Variants in MLLT11 observed in about 807,000 individuals in gnomAD.
MLLT11 encodes protein AF1q.
MLLT11 carries 1 observed loss-of-function variant against 5.3 expected under a neutral mutation model. The ratio of observed to expected loss-of-function variants is 0.19; its 90% CI spans 0.07 to 0.89. The LOEUF is 0.89. MLLT11 is among the 40% of genes least tolerant of loss of function. The pLI is 0.67. For missense variants in MLLT11, 87 were observed against 107.3 expected (o/e 0.81, Z 0.83); for synonymous variants, 38 against 41.7 (o/e 0.91, Z 0.34).
rs1676490258 is a variant in MLLT11 at position 151,067,408 on chromosome 1, G to A, written c.184G>A (p.Glu62Lys). The A allele has an allele frequency of 6.2e-7, 1 of 1,614,070 alleles. No individual in the cohort carries two copies. The highest frequency in any genetic ancestry group is 1.3e-5 in the African/African-American group (1 of 74,934). Residue 62 changes from glutamate to lysine, a missense_variant, in exon 2 of 2, where the codon GAA becomes AAA. Transcript: ENST00000368921. ...ATAADQEKNP[E>K]GDGLLEYSTF... ...TGCAGCAGACCAGGAGAAAAACCCT[G>A]AAGGTGATGGCCTCCTTGAGTACAG...
intron 1 of MLLT11, among the ~76,000 whole-genome samples, chr1:151,066,281 G>T (rs1336534859): frequency 2.0e-5 from 3 of 152,136 alleles, no homozygotes; most frequent in Admixed American, 6.5e-5. Context: ...GGGACCACAG[G>T]CACAAACCAC....
intron 1 of MLLT11, among the ~76,000 whole-genome samples, chr1:151,061,390 A>G (rs1335114508): frequency 1.3e-5 from 2 of 152,266 alleles, no homozygotes; most frequent in South Asian, 2.1e-4. Flanking sequence ...GACAAAGGAT[A>G]TTTGGGCGTG....
intron 1 of MLLT11, among the ~76,000 whole-genome samples, chr1:151,062,926 T>G (rs1048233013): frequency 6.6e-6 from 1 of 152,160 alleles, no homozygotes; most frequent in African/African-American, 2.4e-5. Context: ...TGCACACGTC[T>G]CTGCAAAGTA....
intron 1 of MLLT11, among the ~76,000 whole-genome samples, chr1:151,061,152 A>C (rs979487840): frequency 7.2e-5 from 11 of 152,184 alleles, no homozygotes; most frequent in Non-Finnish European, 1.0e-4. Flanking sequence ...CACAGGAGCT[A>C]GGTATGGGGA....
At chr1:151,065,313 A>G (rs971945632) in intron 1 of MLLT11, among the ~76,000 whole-genome samples, 8 of 152,182 alleles carry the variant, frequency 5.3e-5, no homozygotes, top group Non-Finnish European at 7.3e-5. Flanking sequence ...TTAATATTTC[A>G]TAACATTTGC....
At chr1:151,063,716 C>T (rs919362080) in intron 1 of MLLT11, among the ~76,000 whole-genome samples, 4 of 152,222 alleles carry the variant, frequency 2.6e-5, no homozygotes, top group Non-Finnish European at 5.9e-5. Flanking sequence ...TAAGCCACCA[C>T]GCCCGACCAC....
chr1:151,067,370 T>A lies in MLLT11; in HGVS notation c.146T>A (p.Ile49Asn). The change falls in exon 2 of 2, where the codon ATC becomes AAC. Residue 49 changes from isoleucine (I) to asparagine (N), a missense_variant. Physicochemically the swap from Ile to Asn is moderately radical, Grantham distance 149. Coordinates refer to ENST00000368921, the MANE Select transcript of MLLT11 (RefSeq NM_006818.4). Reference protein sequence around the residue: ...KVKDSSVGKMIGQATAADQEK... With the variant: ...KVKDSSVGKMNGQATAADQEK... ...AAAGACAGCAGCGTTGGCAAAATGA[T>A]CGGGCAAGCAACTGCAGCAGACCAG... The A allele has an allele frequency of 6.2e-7, 1 of 1,614,118 alleles. No homozygotes were observed. The highest frequency in any genetic ancestry group is 8.5e-7 in the Non-Finnish European group (1 of 1,180,016).
chr1:151,064,450 A>T (rs587671144), intron 1 of MLLT11, among the ~76,000 whole-genome samples: 2 of 152,304 alleles, frequency 1.3e-5, no homozygotes, highest in East Asian at 3.9e-4. Flanking sequence ...AGGGAAAGTT[A>T]ATCAGCAGCC....
chr1:151,061,655 G>C (rs587635529), intron 1 of MLLT11, among the ~76,000 whole-genome samples: 1 of 152,232 alleles, frequency 6.6e-6, no homozygotes, highest in East Asian at 1.9e-4. Context: ...TTTGTGGAGG[G>C]GAAGGGGAAG....
intron 1 of MLLT11, among the ~76,000 whole-genome samples, chr1:151,064,266 GC>G (rs1447418713): frequency 1.3e-5 from 2 of 152,162 alleles, no homozygotes; most frequent in Non-Finnish European, 2.9e-5. Context: ...TGATCTGCCT[GC>G]CTCGGCCTCC....
chr1:151,066,008 T>A (rs1180745311), intron 1 of MLLT11, among the ~76,000 whole-genome samples: 2 of 149,610 alleles, frequency 1.3e-5, no homozygotes, highest in Non-Finnish European at 3.0e-5. Context: ...GCCCAGCTAA[T>A]TTTTTGTATT....
In MLLT11 at chr1:151,068,294, G is replaced by A. The variant is rs1210897737; in HGVS notation, c.*797G>A. Reference sequence around the variant, plus strand: ...AAGGTTTCAATTCAATCTTCTGAACGGCATAAGTCCTATTTTAGCCTTACC... The same window carrying A: ...AAGGTTTCAATTCAATCTTCTGAACAGCATAAGTCCTATTTTAGCCTTACC... On this transcript the variant is annotated 3_prime_UTR_variant, in exon 2 of 2. Transcript: ENST00000368921. The A allele has an allele frequency of 4.4e-6, 1 of 227,046 alleles. No individual in the cohort carries two copies. The highest frequency in any genetic ancestry group is 1.9e-4 in the South Asian group (1 of 5,370). 14.1% of individuals were successfully genotyped at this position (227,046 alleles called of 1,614,324 possible). A position where few individuals can be genotyped will look rare whatever the true frequency, so the allele number is the denominator to read the frequency against.
chr1:151,067,169 C>T (rs1017341631), intron 1 of MLLT11, 50 bp from the exon 2 acceptor site: 2 of 1,547,614 alleles, frequency 1.3e-6, no homozygotes, highest in African/African-American at 1.4e-5. Flanking sequence ...AGGCCATGGG[C>T]CACAAAGAAG....
rs780731579 is a variant in MLLT11, at chr1:151,067,337, A to G, written c.113A>G (p.Tyr38Cys). ...CTGGGTCTGTCAGATACAGCCACCT[A>G]CAAGGTCAAAGACAGCAGCGTTGGC... ...EGLGLSDTATYKVKDSSVGKM... is the reference protein window; with the variant it reads ...EGLGLSDTATCKVKDSSVGKM... The change falls in exon 2 of 2, where the codon TAC (tyrosine) becomes TGC (cysteine). Residue 38 changes from tyrosine to cysteine, a missense_variant. Tyr to Cys is a radical substitution (Grantham distance 194, BLOSUM62 -2). Coordinates refer to ENST00000368921, the MANE Select transcript of MLLT11 (RefSeq NM_006818.4). The G allele has an allele frequency of 3.1e-6, 5 of 1,614,024 alleles. No individual in the cohort carries two copies. Among genetic ancestry groups the G allele is most frequent in the Admixed American group, 3.3e-5 (2 of 59,982 alleles).
intron 1 of MLLT11, among the ~76,000 whole-genome samples, chr1:151,062,989 A>G (rs1676427591): frequency 6.6e-6 from 1 of 152,114 alleles, no homozygotes; most frequent in Non-Finnish European, 1.5e-5. Flanking sequence ...CACCTTTCCA[A>G]CATGCTCCCC....
rs116604046 is a variant in MLLT11, at chr1:151,063,203, A to G, written c.-7+2650A>G. On this transcript the variant is annotated intron_variant, in intron 1 of 1. Coordinates refer to ENST00000368921, the MANE Select transcript of MLLT11 (RefSeq NM_006818.4). ...ACACATCACTGTGTTCTAGATTAAC[A>G]CTTTCTTTTTCTGCCTTAGTACAGT... Among the ~76,000 whole-genome samples, 180 of 152,072 alleles carry G rather than the reference A, an allele frequency of 1.2e-3. 1 individual carries two copies. Among genetic ancestry groups the G allele is most frequent in the African/African-American group, 4.1e-3 (170 of 41,460 alleles).
At chr1:151,060,726 A>G (rs1676391998) in intron 1 of MLLT11, among the ~76,000 whole-genome samples, 173 bp downstream of exon 1, 1 of 152,232 alleles carries the variant, frequency 6.6e-6, no homozygotes, top group South Asian at 2.1e-4. Flanking sequence ...TACCTTATAC[A>G]GACCATTAAT....
rs1558112524 is a variant in MLLT11, at chr1:151,067,743, T to C, written c.*246T>C. 1.3e-5 allele frequency: 7 copies of C among 537,372 alleles called. No homozygotes were observed. The Admixed American group carries it at 1.7e-4, about 13-fold the overall frequency. The allele number at this position is 537,372 out of a possible 1,614,324, so 33.3% of individuals were successfully genotyped here. On this transcript the variant is annotated 3_prime_UTR_variant, in exon 2 of 2. Coordinates refer to ENST00000368921, the MANE Select transcript of MLLT11 (RefSeq NM_006818.4). ...TACTGGGTCACAGGGATTCCTCCTTTCCCCCCCAAATATTAACTCCAGAAA... is the reference window on the plus strand; with the variant it reads ...TACTGGGTCACAGGGATTCCTCCTTCCCCCCCCAAATATTAACTCCAGAAA...
At position 151,067,279 on chromosome 1, in the gene MLLT11, A is replaced by G; in HGVS notation, c.55A>G (p.Ile19Val). 6.2e-7 allele frequency: 1 copy of G among 1,614,136 alleles called. No individual in the cohort carries two copies. Among genetic ancestry groups the G allele is most frequent in the Non-Finnish European group, 8.5e-7 (1 of 1,180,020 alleles). The change falls in exon 2 of 2, where the codon ATC becomes GTC. Residue 19 changes from isoleucine (I) to valine (V), a missense_variant. By Grantham distance (29) the Ile-to-Val change is conservative. Transcript: ENST00000368921. The part of the protein sequence containing the change: ...YSSFLFWRMP[I>V]PELDLSELEG... ...TTCCTTTCTTTTCTGGAGGATGCCC[A>G]TCCCAGAACTGGATCTGTCGGAGCT...
Sources: gnomAD v4.1 joint callset for allele counts (sites outside exome capture counted in the v4.1 genomes callset) on GRCh38, gnomAD v4.1.1 for gene constraint, MANE v1.5 for transcripts, NCBI Gene and HGNC (gene_info 2026-07-23, HGNC 2026-07-21) for gene names.